Variants in CNTNAP2 observed in about 807,000 individuals in gnomAD.
CNTNAP2 encodes the protein contactin-associated protein-like 2.
A neutral mutation model predicts 155.2 loss-of-function variants in CNTNAP2; 98 were observed. That is an observed-to-expected ratio of 0.63 (90% CI 0.54 to 0.75). The LOEUF is 0.75. CNTNAP2 is among the 30% of genes least tolerant of loss of function. The pLI, the probability that CNTNAP2 is intolerant of heterozygous loss-of-function variation, is 0.00. For missense variants in CNTNAP2, 1,727 were observed against 1,688.1 expected, an observed-to-expected ratio of 1.02 and a Z score of -0.40; for synonymous variants, 651 against 631.2, an observed-to-expected ratio of 1.03 and a Z score of -0.47.
At chr7:148,267,490 A>G (rs1796693455) in intron 21 of CNTNAP2, among the ~76,000 whole-genome samples, 1 of 151,996 alleles carries the variant, frequency 6.6e-6, no homozygotes, top group African/African-American at 2.4e-5. Context: ...CCCCGTCTCT[A>G]CTAAAAATAC....
intron 13 of CNTNAP2, among the ~76,000 whole-genome samples, chr7:147,896,374 C>G (rs187431634): frequency 6.6e-6 from 1 of 152,100 alleles, no homozygotes; most frequent in Non-Finnish European, 1.5e-5. Context: ...TAGACAGAGT[C>G]GATTCATCAA....
intron 1 of CNTNAP2, among the ~76,000 whole-genome samples, chr7:146,395,782 T>TGATAGAG (rs764030084): frequency 0.045 from 3,961 of 87,388 alleles, 89 homozygotes; most frequent in African/African-American, 0.083. Flanking sequence ...AGACAGATGA[T>TGATAGAG]AGATAGATAG....
intron 3 of CNTNAP2, among the ~76,000 whole-genome samples, chr7:147,010,528 C>T (rs939025219): frequency 6.6e-6 from 1 of 152,022 alleles, no homozygotes; most frequent in Non-Finnish European, 1.5e-5. Context: ...GGTAACCTGG[C>T]AGAAGTACAT....
chr7:146,853,378 G>T (rs1023350742), intron 3 of CNTNAP2, among the ~76,000 whole-genome samples: 3 of 151,966 alleles, frequency 2.0e-5, no homozygotes, highest in Non-Finnish European at 4.4e-5. Context: ...TGTGAAATAA[G>T]ACACAGGCAC....
intron 13 of CNTNAP2, among the ~76,000 whole-genome samples, chr7:147,863,777 G>A (rs60480722): frequency 6.7e-6 from 1 of 150,036 alleles, no homozygotes; most frequent in Non-Finnish European, 1.5e-5. Flanking sequence ...TGATGGGGTT[G>A]TTTTTTTTCT....
intron 3 of CNTNAP2, among the ~76,000 whole-genome samples, chr7:146,937,109 C>T (rs938995849): frequency 2.0e-5 from 3 of 151,896 alleles, no homozygotes; most frequent in Non-Finnish European, 4.4e-5. Flanking sequence ...GAAAACCGGC[C>T]GGGCGCAGTG....
At chr7:146,849,306 A>G (rs1249486115) in intron 3 of CNTNAP2, among the ~76,000 whole-genome samples, 5 of 152,170 alleles carry the variant, frequency 3.3e-5, no homozygotes, top group Admixed American at 6.5e-5. Context: ...CATTCTGTAG[A>G]TGAATAAGCT....
intron 1 of CNTNAP2, among the ~76,000 whole-genome samples, chr7:146,436,719 G>C (rs1424777897): frequency 6.6e-6 from 1 of 151,848 alleles, no homozygotes; most frequent in East Asian, 1.9e-4. Flanking sequence ...AATTTTGAAG[G>C]ATGCAGTATG....
intron 1 of CNTNAP2, among the ~76,000 whole-genome samples, chr7:146,588,595 C>A (rs1798733884): frequency 6.6e-6 from 1 of 151,982 alleles, no homozygotes; most frequent in Non-Finnish European, 1.5e-5. Context: ...CAGTCTCGAC[C>A]TCCCCAAGCT....
intron 13 of CNTNAP2, among the ~76,000 whole-genome samples, chr7:147,651,232 G>A (rs1410464578): frequency 6.6e-6 from 1 of 152,222 alleles, no homozygotes; most frequent in African/African-American, 2.4e-5. Context: ...GGAACTGCCA[G>A]ACACAAACTG....
rs1314592327 is a variant in CNTNAP2 at position 147,056,983 on chromosome 7, G to GGTTT, written c.550+12946_550+12949dup. On this transcript the variant is annotated intron_variant, in intron 4 of 23. Coordinates refer to ENST00000361727, the MANE Select transcript of CNTNAP2 (RefSeq NM_014141.6). ...GTAGAGATGGGGTTATTTTTTTTTT[G>GGTTT]GTTTGTTTGTTTGTTTGTTTTCCCC... Among the ~76,000 whole-genome samples the GGTTT allele has an allele frequency of 4.7e-5, 7 of 148,538 alleles. No individual in the cohort carries two copies. In the South Asian group the frequency reaches 8.5e-4, roughly 18 times the overall value.
intron 19 of CNTNAP2, 138 bp from the exon 20 acceptor site, chr7:148,229,508 G>A (rs552966184): frequency 3.7e-5 from 43 of 1,176,802 alleles, no homozygotes; most frequent in Non-Finnish European, 4.6e-5. Context: ...CTGGGCAAGA[G>A]CAAGACTCCG....
intron 9 of CNTNAP2, among the ~76,000 whole-genome samples, chr7:147,335,891 C>G (rs568317834): frequency 6.6e-6 from 1 of 152,032 alleles, no homozygotes; most frequent in East Asian, 1.9e-4. Flanking sequence ...TAAAATTTAG[C>G]AGCTGTATCA....
At chr7:146,125,049 A>T (rs1797615148) in intron 1 of CNTNAP2, among the ~76,000 whole-genome samples, 1 of 152,200 alleles carries the variant, frequency 6.6e-6, no homozygotes, top group Non-Finnish European at 1.5e-5. Context: ...TAATGTCCTC[A>T]TCCCTAAAGA....
chr7:146,191,613 G>C (rs144790618), intron 1 of CNTNAP2, among the ~76,000 whole-genome samples: 6 of 152,212 alleles, frequency 3.9e-5, no homozygotes, highest in South Asian at 2.1e-4. Context: ...CGTATCAACC[G>C]TATAAGACAG....
chr7:147,630,943 A>G (rs775412381), intron 12 of CNTNAP2, among the ~76,000 whole-genome samples: 1 of 152,046 alleles, frequency 6.6e-6, no homozygotes, highest in Non-Finnish European at 1.5e-5. Context: ...CACCACCTCT[A>G]TTTAACATAG....
At chr7:148,243,086 A>G (rs1451152090) in intron 20 of CNTNAP2, among the ~76,000 whole-genome samples, 1 of 152,222 alleles carries the variant, frequency 6.6e-6, no homozygotes, top group Non-Finnish European at 1.5e-5. Flanking sequence ...AATAAAACAC[A>G]TGAGCGAATG....
At chr7:146,853,395 A>C (rs1255590914) in intron 3 of CNTNAP2, among the ~76,000 whole-genome samples, 1 of 152,166 alleles carries the variant, frequency 6.6e-6, no homozygotes, top group Non-Finnish European at 1.5e-5. Context: ...GCACATGTAC[A>C]CACACACTCT....
At chr7:146,398,183 A>ACT (rs1795660624) in intron 1 of CNTNAP2, among the ~76,000 whole-genome samples, 1 of 83,680 alleles carries the variant, frequency 1.2e-5, no homozygotes, top group Non-Finnish European at 2.2e-5. Flanking sequence ...CCGGCCCCAA[A>ACT]CTTTTTTTTT....
Sources: gnomAD v4.1 joint callset for allele counts (sites outside exome capture counted in the v4.1 genomes callset) on GRCh38, gnomAD v4.1.1 for gene constraint, MANE v1.5 for transcripts, NCBI Gene and HGNC (gene_info 2026-07-23, HGNC 2026-07-21) for gene names.